The following IKZF5 variants were observed in gnomAD, a reference collection of about 807,000 sequenced individuals.
IKZF5 encodes the protein zinc finger protein Pegasus.
Under a neutral mutation model 30.7 loss-of-function variants are expected in IKZF5, and 4 were observed. That is an observed-to-expected ratio of 0.13 (90% CI 0.06 to 0.30). The LOEUF (loss-of-function observed/expected upper bound fraction) is 0.30, where lower values mean the gene tolerates loss of function less well. Among genes scored for constraint, IKZF5 ranks in the 10% least tolerant of loss-of-function variants. The pLI, the probability that IKZF5 is intolerant of heterozygous loss-of-function variation, is 1.00. For missense variants in IKZF5, 348 were observed against 525.5 expected (o/e 0.66, Z 3.30); for synonymous variants, 148 against 179.6 (o/e 0.82, Z 1.41).
chr10:123,003,866 T>C (rs769296783), intron 2 of IKZF5, among the ~76,000 whole-genome samples: 8 of 152,248 alleles, frequency 5.3e-5, no homozygotes, highest in Non-Finnish European at 7.3e-5. Flanking sequence ...AAACAGATCT[T>C]TGCTTATTTT....
Position 122,994,070 on chromosome 10 carries a change from A to G in IKZF5, c.970T>C (p.Tyr324His), listed in dbSNP as rs1351380188. Residue 324 changes from tyrosine (Y) to histidine (H), a missense_variant, in exon 5 of 5, where the codon TAT becomes CAT. By Grantham distance (83) the Tyr-to-His change is moderately conservative (BLOSUM62 2). Transcript: ENST00000368886. This position sits in a 1 kb window ranked among gnomAD's most constrained non-coding sequence, Gnocchi z 5.6. Reference sequence around the variant, plus strand: ...CTGCTTGGACCTGCCACTGGACTATAGTTCCTTTGACTATGGGATGGCCGA... The same window carrying G: ...CTGCTTGGACCTGCCACTGGACTATGGTTCCTTTGACTATGGGATGGCCGA... Reference protein sequence around the residue: ...EPRPSHSQRNYSPVAGPSSEP... With the variant: ...EPRPSHSQRNHSPVAGPSSEP... The G allele has an allele frequency of 7.4e-6, 12 of 1,614,100 alleles. No homozygotes were observed. Among genetic ancestry groups the G allele is most frequent in the Non-Finnish European group, 1.0e-5 (12 of 1,180,034 alleles).
At position 122,993,364 on chromosome 10, in the gene IKZF5, T is replaced by C. The variant is rs1849232846; in HGVS notation, c.*416A>G. 6.5e-6 allele frequency: 1 copy of C among 153,712 alleles called. No homozygotes were observed. Among genetic ancestry groups the C allele is most frequent in the Admixed American group, 6.5e-5 (1 of 15,354 alleles). The allele number at this position is 153,712 out of a possible 1,614,324, so 9.5% of individuals were successfully genotyped here. On this transcript the variant is annotated 3_prime_UTR_variant, in exon 5 of 5. Transcript: ENST00000368886. The stretch of plus-strand genomic sequence containing the variant: ...TTTCTGTACTAAACACTGAAATGAG[T>C]AGTAATAAATTCTGTAATTTATTCT...
rs779691190 is a variant in IKZF5, at chr10:122,996,094, G to A, written c.216C>T (p.Asp72=). The A allele has an allele frequency of 1.4e-5, 23 of 1,613,834 alleles. No individual in the cohort carries two copies. The highest frequency in any genetic ancestry group is 1.6e-4 in the Middle Eastern group (1 of 6,084). The part of the protein sequence containing the change: ...SLDENSGMLV[D]GFERTFDGKL... ...TCCCATCAAAGGTCCTTTCAAACCCGTCTACTAACATTCCTGAGTTTTCAT... is the reference window on the plus strand; with the variant it reads ...TCCCATCAAAGGTCCTTTCAAACCCATCTACTAACATTCCTGAGTTTTCAT... Residue 72 remains aspartate, a synonymous_variant, in exon 4 of 5, where the codon GAC becomes GAT. Coordinates refer to ENST00000368886, the MANE Select transcript of IKZF5 (RefSeq NM_001372123.1).
chr10:122,998,907 A>T (rs1198932285), intron 2 of IKZF5, among the ~76,000 whole-genome samples: 1 of 152,196 alleles, frequency 6.6e-6, no homozygotes, highest in Non-Finnish European at 1.5e-5. Flanking sequence ...GAAATTTCAA[A>T]GGCAGAAAAA....
intron 2 of IKZF5, among the ~76,000 whole-genome samples, chr10:123,004,744 C>T (rs779013506): frequency 2.0e-5 from 3 of 151,830 alleles, no homozygotes; most frequent in Non-Finnish European, 4.4e-5. Context: ...TAACCTTAAA[C>T]ATCCTGTCAT....
chr10:123,000,094 A>G (rs1257402777), intron 2 of IKZF5, among the ~76,000 whole-genome samples: 1 of 152,242 alleles, frequency 6.6e-6, no homozygotes, highest in Non-Finnish European at 1.5e-5. Context: ...ACATATATAG[A>G]AAAGCACATA....
intron 2 of IKZF5, among the ~76,000 whole-genome samples, chr10:123,003,452 A>C (rs9423305): frequency 0.015 from 2,337 of 152,284 alleles, 56 homozygotes; most frequent in East Asian, 0.11. Context: ...AGTACCTACC[A>C]GATATGGAGG....
chr10:122,998,743 G>A, intron 2 of IKZF5, 72 bp from the exon 3 acceptor site: 1 of 796,402 alleles, frequency 1.3e-6, no homozygotes, highest in Non-Finnish European at 1.9e-6. Context: ...TTTTGTGCAA[G>A]ACACTATATA....
intron 4 of IKZF5, chr10:122,995,067 TCA>T (rs774085267): frequency 2.9e-4 from 63 of 216,562 alleles, no homozygotes; most frequent in Non-Finnish European, 4.7e-4. Flanking sequence ...AAAGTATGTC[TCA>T]GTTATATATT....
intron 4 of IKZF5, among the ~76,000 whole-genome samples, chr10:122,995,537 G>C (rs558733863): frequency 1.3e-5 from 2 of 151,838 alleles, no homozygotes; most frequent in Non-Finnish European, 2.9e-5. Flanking sequence ...CTGGTCTTGG[G>C]CAGAGGGCAG....
In IKZF5 at chr10:122,992,387, C is replaced by G. The variant is rs1849192637; in HGVS notation, c.*1393G>C. ...TTAAGATGCCAATTAGGGGCACATTCAACATATGAACAAAATTAAAAATAG... is the reference window on the plus strand; with the variant it reads ...TTAAGATGCCAATTAGGGGCACATTGAACATATGAACAAAATTAAAAATAG... On this transcript the variant is annotated 3_prime_UTR_variant, in exon 5 of 5. Transcript: ENST00000368886. 1 of 152,096 alleles carries G rather than the reference C, an allele frequency of 6.6e-6. No homozygotes were observed. The highest frequency in any genetic ancestry group is 2.4e-5 in the African/African-American group (1 of 41,418). 9.4% of individuals were successfully genotyped at this position (152,096 alleles called of 1,614,324 possible). A position where few individuals can be genotyped will look rare whatever the true frequency, so the allele number is the denominator to read the frequency against.
intron 2 of IKZF5, among the ~76,000 whole-genome samples, chr10:123,000,841 C>A (rs1020656393): frequency 1.3e-5 from 2 of 152,116 alleles, no homozygotes; most frequent in Non-Finnish European, 1.5e-5. Flanking sequence ...TACTAATTAA[C>A]CACTTAGATA....
chr10:123,006,827 A>G (rs111295763), intron 2 of IKZF5, among the ~76,000 whole-genome samples, 199 bp downstream of exon 2: 25 of 152,340 alleles, frequency 1.6e-4, no homozygotes, highest in African/African-American at 5.8e-4. Context: ...ACGTTGACAA[A>G]TAAGGATTGG....
In IKZF5 at chr10:122,998,588, T is replaced by C; in HGVS notation, c.38A>G (p.Lys13Arg). 1 of 1,613,974 alleles carries C rather than the reference T, an allele frequency of 6.2e-7. No individual in the cohort carries two copies. Among genetic ancestry groups the C allele is most frequent in the Non-Finnish European group, 8.5e-7 (1 of 1,179,892 alleles). Residue 13 changes from lysine (K) to arginine (R), a missense_variant, in exon 3 of 5, where the codon AAA becomes AGA. Coordinates refer to ENST00000368886, the MANE Select transcript of IKZF5 (RefSeq NM_001372123.1). ...CTGAGTCAGGTATTCCTGAAAATCT[T>C]TCACGAAGTCCAAAGGCTCTGGTTT... ...EKKPEPLDFVKDFQEYLTQQT... is the reference protein window; with the variant it reads ...EKKPEPLDFVRDFQEYLTQQT...
chr10:122,991,169 T>A lies in IKZF5; in HGVS notation c.*2611A>T, dbSNP rs1298778515. On this transcript the variant is annotated 3_prime_UTR_variant, in exon 5 of 5. Transcript: ENST00000368886. ...CCCTTGTCCAGTTTTTGCAGAAGAA[T>A]GGCAAACACTTATTTCTAAAATGAA... is the stretch of plus-strand genomic sequence containing the variant. 1.3e-5 allele frequency: 2 copies of A among 152,142 alleles called. No individual in the cohort carries two copies. The highest frequency in any genetic ancestry group is 3.9e-4 in the East Asian group (2 of 5,194). The allele number at this position is 152,142 out of a possible 1,614,324, so 9.4% of individuals were successfully genotyped here.
rs1408217851 is a variant in IKZF5, at chr10:122,996,157, T to C, written c.153A>G (p.Gln51=). The part of the protein sequence containing the change: ...ALQGAGTDGD[Q]NGLDHPSVEV... The stretch of plus-strand genomic sequence containing the variant: ...CAACAGATGGGTGATCAAGTCCATT[T>C]TGATCACCATCTGTTCCAGCTATAA... Residue 51 remains glutamine, a synonymous_variant, in exon 4 of 5, where the codon CAA becomes CAG. Transcript: ENST00000368886. 6 of 1,613,592 alleles carry C rather than the reference T, an allele frequency of 3.7e-6. No homozygotes were observed. The highest frequency in any genetic ancestry group is 5.1e-6 in the Non-Finnish European group (6 of 1,179,968).
Position 122,994,960 on chromosome 10 carries a change from A to ATAT in IKZF5, c.317-238_317-237insATA, listed in dbSNP as rs1849308587. 2 of 478,888 alleles carry ATAT rather than the reference A, an allele frequency of 4.2e-6. No individual in the cohort carries two copies. The highest frequency in any genetic ancestry group is 7.3e-6 in the Non-Finnish European group (2 of 272,760). The allele number at this position is 478,888 out of a possible 1,614,324, so 29.7% of individuals were successfully genotyped here. On this transcript the variant is annotated intron_variant, in intron 4 of 4. Coordinates refer to ENST00000368886, the MANE Select transcript of IKZF5 (RefSeq NM_001372123.1). The surrounding 1 kb of genome is among the most constrained non-coding windows in gnomAD (Gnocchi z 5.6). ...GCATTGATGTTGTATTAGTCAATAC[A>ATAT]GTATAAAAACTGTTATGGCTTCGAA...
intron 3 of IKZF5, chr10:122,997,609 C>G (rs1179532093): frequency 6.6e-6 from 1 of 152,224 alleles, no homozygotes; most frequent in Non-Finnish European, 1.5e-5. Context: ...TAAGGCCGTA[C>G]CCAGACTATC....
intron 2 of IKZF5, among the ~76,000 whole-genome samples, chr10:123,006,656 G>C (rs1202329359): frequency 2.6e-5 from 4 of 152,148 alleles, no homozygotes; most frequent in African/African-American, 4.8e-5. Context: ...CCATAAGGAA[G>C]AATACAATAT....
Sources: gnomAD v4.1 joint callset for allele counts (sites outside exome capture counted in the v4.1 genomes callset) on GRCh38, gnomAD v4.1.1 for gene constraint, Gnocchi (gnomAD v3.1) non-coding constraint, MANE v1.5 for transcripts, NCBI Gene and HGNC (gene_info 2026-07-23, HGNC 2026-07-21) for gene names.